SYT2: variants seen among roughly 807,000 people sequenced by gnomAD.
The protein encoded by SYT2 is synaptotagmin 2.
In SYT2, 15 loss-of-function variants were observed where a neutral mutation model predicts 39.9. The observed-to-expected ratio is 0.38, with a 90% CI of 0.25 to 0.58. The LOEUF (loss-of-function observed/expected upper bound fraction) is 0.58, where lower values mean the gene tolerates loss of function less well. Among genes scored for constraint, SYT2 ranks in the 20% least tolerant of loss-of-function variants. The pLI is 0.70. For missense variants in SYT2, 389 were observed against 530.3 expected, an observed-to-expected ratio of 0.73 and a Z score of 2.62; for synonymous variants, 181 against 204.5, an observed-to-expected ratio of 0.89 and a Z score of 0.98.
intron 2 of SYT2, 191 bp downstream of exon 2, chr1:202,605,404 T>C (rs1449589207): frequency 4.1e-6 from 2 of 493,666 alleles, no homozygotes; most frequent in Non-Finnish European, 7.3e-6. Context: ...ATAAACCCCC[T>C]TGTTTGCCAC....
chr1:202,678,134 C>T (rs1005528863), intron 1 of SYT2, among the ~76,000 whole-genome samples: 9 of 151,974 alleles, frequency 5.9e-5, no homozygotes, highest in Middle Eastern at 3.4e-3. Context: ...ATTAGCCAGG[C>T]GTGGTGGCAG....
intron 1 of SYT2, among the ~76,000 whole-genome samples, chr1:202,675,204 C>T (rs953319278): frequency 1.3e-5 from 2 of 152,010 alleles, no homozygotes; most frequent in East Asian, 1.9e-4. Context: ...ATACTGAGCA[C>T]GTTGGGCACA....
rs539610502 is a variant in SYT2, at chr1:202,599,814, G to A, written c.920-463C>T. Among the ~76,000 whole-genome samples, 8 of 152,324 alleles carry A rather than the reference G, an allele frequency of 5.3e-5. No individual in the cohort carries two copies. In the East Asian group the frequency reaches 7.7e-4, roughly 15 times the overall value. ...CAGAGCCAGGCTGGCACTGAAACGC[G>A]CTGGTTGGAGCCCATGCCCAGGGCT... is the stretch of plus-strand genomic sequence containing the variant. On this transcript the variant is annotated intron_variant, in intron 7 of 8. Transcript: ENST00000367268. The surrounding 1 kb of genome is among the most constrained non-coding windows in gnomAD (Gnocchi z 4.4).
rs74388242 is a variant in SYT2 at position 202,677,975 on chromosome 1, T to A, written c.-18+32283A>T. Among the ~76,000 whole-genome samples the A allele has an allele frequency of 3.7e-4, 56 of 152,282 alleles. No homozygotes were observed. In the East Asian group the frequency reaches 0.01, roughly 28 times the overall value. ...CAAACATTAACATTTGTTATTTCTGTGAAAATGGATGATTGGGGCCAGGCA... is the reference window on the plus strand; with the variant it reads ...CAAACATTAACATTTGTTATTTCTGAGAAAATGGATGATTGGGGCCAGGCA... On this transcript the variant is annotated intron_variant, in intron 1 of 8. Coordinates refer to ENST00000367268, the MANE Select transcript of SYT2 (RefSeq NM_177402.5).
At chr1:202,689,612 A>T (rs1174543359) in intron 1 of SYT2, among the ~76,000 whole-genome samples, 1 of 152,102 alleles carries the variant, frequency 6.6e-6, no homozygotes, top group South Asian at 2.1e-4. Flanking sequence ...CCTCATCTGC[A>T]TACTAAGGTT....
At chr1:202,684,950 G>A (rs1653624357) in intron 1 of SYT2, among the ~76,000 whole-genome samples, 1 of 152,190 alleles carries the variant, frequency 6.6e-6, no homozygotes, top group Non-Finnish European at 1.5e-5. Context: ...AGGTATTCCA[G>A]GAATATCTGT....
Position 202,604,602 on chromosome 1 carries a change from G to A in SYT2, c.198C>T (p.Ile66=), listed in dbSNP as rs375528841. ...GGAGCCCAGCAACCACAGCAATGGC[G>A]ATCAGTGCCCAGGGTGGTACTGCCC... is the stretch of plus-strand genomic sequence containing the variant. ...NKIPLPPWAL[I]AIAVVAGLLL... Residue 66 remains isoleucine (I), a synonymous_variant, in exon 3 of 9, where the codon ATC becomes ATT. Coordinates refer to ENST00000367268, the MANE Select transcript of SYT2 (RefSeq NM_177402.5). 4.8e-5 allele frequency: 78 copies of A among 1,613,980 alleles called. 1 individual carries two copies. The highest frequency in any genetic ancestry group is 1.6e-4 in the South Asian group (15 of 91,074).
chr1:202,672,775 GA>G (rs1463964646), intron 1 of SYT2, among the ~76,000 whole-genome samples: 1 of 83,544 alleles, frequency 1.2e-5, no homozygotes, highest in African/African-American at 4.6e-5. Context: ...GAGAGGGAGG[GA>G]GGGAGAGAGA....
chr1:202,703,319 C>G (rs1314232387), intron 1 of SYT2, among the ~76,000 whole-genome samples: 1 of 151,870 alleles, frequency 6.6e-6, no homozygotes, highest in East Asian at 1.9e-4. Context: ...CAGCTCAGCC[C>G]TGCAATACCA....
In SYT2 at chr1:202,601,900, T is replaced by C; in HGVS notation, c.791A>G (p.Glu264Gly). ...CATCTCTGCTCTTACCTCCTCCTTT[T>C]CCCCGCCTTGCAGGTCTCTCCACTC... is the stretch of plus-strand genomic sequence containing the variant. The part of the protein sequence containing the change: ...IEEWRDLQGG[E>G]KEEPEKLGDI... Residue 264 changes from glutamate (E) to glycine (G), a missense_variant, in exon 6 of 9, where the codon GAA becomes GGA. By Grantham distance (98) the Glu-to-Gly change is moderately conservative. Transcript: ENST00000367268. This position sits in a 1 kb window ranked among gnomAD's most constrained non-coding sequence, Gnocchi z 4.0. The C allele has an allele frequency of 6.2e-7, 1 of 1,613,842 alleles. No homozygotes were observed. Among genetic ancestry groups the C allele is most frequent in the Non-Finnish European group, 8.5e-7 (1 of 1,179,916 alleles).
chr1:202,639,549 G>C, intron 1 of SYT2: 11 of 985,428 alleles, frequency 1.1e-5, no homozygotes, highest in Non-Finnish European at 1.3e-5. Context: ...TCTGTGGAAG[G>C]CGGTGTTCCC....
chr1:202,605,805 G>A lies in SYT2; in HGVS notation c.-17-16C>T. The A allele has an allele frequency of 6.2e-7, 1 of 1,606,918 alleles. No homozygotes were observed. ...GAGGAAACAGCTGGGGACGAGAGGTGAAGAGGGCAGGGTGAGCATCCAGAG... is the reference window on the plus strand; with the variant it reads ...GAGGAAACAGCTGGGGACGAGAGGTAAAGAGGGCAGGGTGAGCATCCAGAG... On this transcript the variant is annotated splice_polypyrimidine_tract_variant and intron_variant, in intron 1 of 8. Coordinates refer to ENST00000367268, the MANE Select transcript of SYT2 (RefSeq NM_177402.5).
At chr1:202,694,765 C>T (rs1653931599) in intron 1 of SYT2, among the ~76,000 whole-genome samples, 1 of 151,610 alleles carries the variant, frequency 6.6e-6, no homozygotes, top group Non-Finnish European at 1.5e-5. Context: ...CCTTCTTATT[C>T]CTCCCTCTAC....
At chr1:202,652,960 AC>A (rs1032887341) in intron 1 of SYT2, among the ~76,000 whole-genome samples, 2 of 54,510 alleles carry the variant, frequency 3.7e-5, no homozygotes, top group Admixed American at 3.5e-4. Context: ...CCCACCACCC[AC>A]CCCCCCTTAG....
At chr1:202,654,639 T>C (rs900161050) in intron 1 of SYT2, among the ~76,000 whole-genome samples, 5 of 152,186 alleles carry the variant, frequency 3.3e-5, no homozygotes, top group African/African-American at 4.8e-5. Flanking sequence ...CATTGACCCC[T>C]GCCCCCGCCC....
At chr1:202,704,180 C>A (rs745463704) in intron 1 of SYT2, among the ~76,000 whole-genome samples, 3 of 152,152 alleles carry the variant, frequency 2.0e-5, no homozygotes, top group Non-Finnish European at 4.4e-5. Flanking sequence ...TGTTGACAGG[C>A]GACTATCCTG....
rs1182536601 is a variant in SYT2, at chr1:202,603,200, A to G, written c.346-82T>C. The G allele has an allele frequency of 2.6e-6, 4 of 1,556,944 alleles. No individual in the cohort carries two copies. The East Asian group carries it at 9.0e-5, about 35-fold the overall frequency. On this transcript the variant is annotated intron_variant, in intron 3 of 8. Transcript: ENST00000367268. ...GCTTAGCACAGGATGACGGGAAACC[A>G]GCCCCTCTGTGGTAGACCCTGACTC...
intron 1 of SYT2, among the ~76,000 whole-genome samples, chr1:202,624,746 AG>A (rs1691315620): frequency 1.8e-5 from 2 of 109,062 alleles, no homozygotes; most frequent in South Asian, 3.3e-4. Context: ...GGCATGTAGT[AG>A]GGTGTGTGGT....
chr1:202,600,860 G>A (rs1219058340), intron 6 of SYT2, among the ~76,000 whole-genome samples: 1 of 152,160 alleles, frequency 6.6e-6, no homozygotes, highest in African/African-American at 2.4e-5. Context: ...GCGAGAAGCG[G>A]GTGGGTTAGC....
Sources: allele counts gnomAD v4.1 joint callset (sites outside exome capture counted in the v4.1 genomes callset), GRCh38; gene constraint gnomAD v4.1.1; non-coding constraint Gnocchi (gnomAD v3.1); transcripts MANE v1.5; gene names NCBI Gene and HGNC (gene_info 2026-07-23, HGNC 2026-07-21).